Variants in ALG1L2 observed in about 807,000 individuals in gnomAD.
ALG1L2 encodes the protein ALG1 chitobiosyldiphosphodolichol beta-mannosyltransferase like 2.
A neutral mutation model predicts 29.0 loss-of-function variants in ALG1L2; 32 were observed. The observed-to-expected ratio is 1.10, with a 90% CI of 0.83 to 1.48. The LOEUF is 1.48. Among genes scored for constraint, ALG1L2 ranks in the 40% most tolerant of loss-of-function variants. The pLI is 0.00. For missense variants in ALG1L2, 318 were observed against 274.1 expected (o/e 1.16, Z -1.13); for synonymous variants, 110 against 109.5 (o/e 1.00, Z -0.03).
chr3:130,092,051 T>A, intron 2 of ALG1L2, 50 bp from the exon 3 acceptor site: 1 of 1,603,426 alleles, frequency 6.2e-7, no homozygotes, highest in South Asian at 1.1e-5. Flanking sequence ...CCGTTCTGGG[T>A]CCTGGGCCTG....
intron 3 of ALG1L2, 123 bp downstream of exon 3, chr3:130,092,345 G>T: frequency 3.4e-5 from 55 of 1,598,124 alleles, no homozygotes; most frequent in Non-Finnish European, 4.6e-5. Context: ...GAAGGGGAGG[G>T]CGTGTGAGCT....
intron 1 of ALG1L2, chr3:130,090,900 C>T (rs563999120): frequency 3.5e-5 from 9 of 253,876 alleles, no homozygotes; most frequent in African/African-American, 1.1e-4. Context: ...CGTGCTTTAG[C>T]GACACCCACA....
At chr3:130,098,060 T>A (rs1479232153) in intron 7 of ALG1L2, among the ~76,000 whole-genome samples, 163 bp from the exon 8 acceptor site, 2 of 148,738 alleles carry the variant, frequency 1.3e-5, no homozygotes, top group Non-Finnish European at 3.0e-5. Context: ...AGAAAGCATG[T>A]CAAGATGGAG....
chr3:130,089,212 A>G (rs940392756), intron 1 of ALG1L2, among the ~76,000 whole-genome samples: 1 of 152,388 alleles, frequency 6.6e-6, no homozygotes, highest in Middle Eastern at 3.4e-3. Flanking sequence ...GCTCCCAAGT[A>G]AACTGAGGCA....
At position 130,098,327 on chromosome 3, in the gene ALG1L2, G is replaced by T; in HGVS notation, c.*72G>T. 1 of 1,596,416 alleles carries T rather than the reference G, an allele frequency of 6.3e-7. No individual in the cohort carries two copies. Among genetic ancestry groups the T allele is most frequent in the South Asian group, 1.1e-5 (1 of 90,986 alleles). ...CAGCAGCTCTGATGGGATGAGAGCT[G>T]GGTGCAGACTGTGCTCCCTTTGGTT... On this transcript the variant is annotated 3_prime_UTR_variant, in exon 8 of 8. Coordinates refer to ENST00000425059, the MANE Select transcript of ALG1L2 (RefSeq NM_001136152.1).
chr3:130,096,529 A>G (rs1477288460), intron 6 of ALG1L2, among the ~76,000 whole-genome samples: 2 of 151,890 alleles, frequency 1.3e-5, no homozygotes, highest in East Asian at 1.9e-4. Context: ...CTGCAGGCTT[A>G]CATGGTTTTC....
In ALG1L2 at chr3:130,082,089, G is replaced by A. The variant is rs150831014; in HGVS notation, c.20+53G>A. ...TTGCAATGCAGAGAAACCCTGGGTT[G>A]GCCTGCGTCTGATAGACTGGAGAGA... On this transcript the variant is annotated intron_variant, in intron 1 of 7. Transcript: ENST00000425059. 6.4e-3 allele frequency: 9,507 copies of A among 1,485,098 alleles called. 3 individuals are homozygous for A. The African/African-American group carries it at 0.11, about 18-fold the overall frequency. The allele number at this position is 1,485,098 out of a possible 1,614,324, so 92.0% of individuals were successfully genotyped here. A position where few individuals can be genotyped will look rare whatever the true frequency, so the allele number is the denominator to read the frequency against.
rs74925237 is a variant in ALG1L2, at chr3:130,088,574, C to A, written c.21-2687C>A. 5.2e-3 allele frequency among the ~76,000 whole-genome samples: 773 copies of A among 147,580 alleles called. No homozygotes were observed. The East Asian group carries it at 0.055, about 10-fold the overall frequency. On this transcript the variant is annotated intron_variant, in intron 1 of 7. Transcript: ENST00000425059. ...CTGGGACAACAGGCATGAGCCATTA[C>A]GCCTGGCTAATTTTTGTATTTTTAT...
Position 130,097,312 on chromosome 3 carries a change from C to T in ALG1L2, c.615+62C>T, listed in dbSNP as rs147429575. On this transcript the variant is annotated intron_variant, in intron 7 of 7. Transcript: ENST00000425059. ...TTCTGGAGACTGGCACCGAGCCATG[C>T]TCCCTGATCCCTGTTTCACACAGCC... The T allele has an allele frequency of 1.7e-3, 2,635 of 1,585,878 alleles. 2 individuals carry two copies. The highest frequency in any genetic ancestry group is 2.1e-3 in the Non-Finnish European group (2,429 of 1,173,540).
chr3:130,084,299 C>A (rs149647853), intron 1 of ALG1L2, among the ~76,000 whole-genome samples: 69 of 145,834 alleles, frequency 4.7e-4, no homozygotes, highest in Middle Eastern at 3.8e-3. Flanking sequence ...TTCCCCCCCT[C>A]AAAAAAAATT....
chr3:130,083,803 T>C (rs1053007279), intron 1 of ALG1L2, among the ~76,000 whole-genome samples: 1 of 136,386 alleles, frequency 7.3e-6, no homozygotes, highest in African/African-American at 2.5e-5. Flanking sequence ...AGGGGGCCCA[T>C]GTTTTCATCT....
intron 1 of ALG1L2, among the ~76,000 whole-genome samples, chr3:130,090,365 G>T (rs1219954738): frequency 3.9e-5 from 6 of 152,266 alleles, no homozygotes; most frequent in East Asian, 1.9e-4. Context: ...AATAAATAAA[G>T]AAAGAAATAA....
intron 1 of ALG1L2, among the ~76,000 whole-genome samples, chr3:130,084,287 ATT>A (rs796529032): frequency 3.1e-5 from 4 of 130,924 alleles, no homozygotes; most frequent in Admixed American, 8.0e-5. Context: ...GCGAGACCCC[ATT>A]TCCCCCCCTC....
intron 7 of ALG1L2, among the ~76,000 whole-genome samples, chr3:130,097,909 C>T (rs746915012): frequency 6.6e-6 from 1 of 152,108 alleles, no homozygotes; most frequent in Non-Finnish European, 1.5e-5. Flanking sequence ...AAGAACACCC[C>T]CTTGTTACCC....
chr3:130,098,193 A>T, intron 7 of ALG1L2, 30 bp from the exon 8 acceptor site: 1 of 1,596,202 alleles, frequency 6.3e-7, no homozygotes, highest in East Asian at 2.2e-5. Flanking sequence ...TGGGGTGGGG[A>T]CAGGCAATGA....
chr3:130,094,901 T>C lies in ALG1L2; in HGVS notation c.424+388T>C, dbSNP rs138469512. Among the ~76,000 whole-genome samples the C allele has an allele frequency of 1.6e-4, 25 of 152,342 alleles. 1 individual carries two copies. The East Asian group carries it at 4.8e-3, about 29-fold the overall frequency. ...CCTCACCAGTGAGATGGTTCTCCTT[T>C]GCCTCCGTCTCTTTCCCCATTGATT... is the stretch of plus-strand genomic sequence containing the variant. On this transcript the variant is annotated intron_variant, in intron 5 of 7. Transcript: ENST00000425059.
chr3:130,094,469 T>C lies in ALG1L2; in HGVS notation c.380T>C (p.Val127Ala), dbSNP rs545441436. 5.2e-5 allele frequency: 83 copies of C among 1,595,976 alleles called. No homozygotes were observed. Among genetic ancestry groups the C allele is most frequent in the Non-Finnish European group, 7.0e-5 (82 of 1,179,638 alleles). Residue 127 changes from valine (V) to alanine (A), a missense_variant, in exon 5 of 8, where the codon GTC becomes GCC. Transcript: ENST00000425059. ...IHQKHFQHIQ[V>A]CIPWLEGRGL... ...CAGAAGCATTTCCAGCACATCCAGG[T>C]CTGCATCCCCTGGCTGGAGGGCCGA...
intron 1 of ALG1L2, among the ~76,000 whole-genome samples, chr3:130,082,874 C>A (rs138020706): frequency 3.3e-4 from 48 of 143,632 alleles, no homozygotes; most frequent in African/African-American, 1.2e-3. Context: ...GAGATGCTGA[C>A]AGCACCAAGA....
intron 5 of ALG1L2, 146 bp downstream of exon 5, chr3:130,094,659 G>A (rs1199454594): frequency 8.0e-6 from 8 of 997,456 alleles, no homozygotes; most frequent in Non-Finnish European, 8.6e-6. Context: ...CCGGGAGAAG[G>A]CTACTTCCTG....
Sources: allele counts gnomAD v4.1 joint callset (sites outside exome capture counted in the v4.1 genomes callset), GRCh38; gene constraint gnomAD v4.1.1; transcripts MANE v1.5; gene names NCBI Gene and HGNC (gene_info 2026-07-23, HGNC 2026-07-21).